Variants in STS observed in about 807,000 individuals in gnomAD.
STS encodes the protein steryl-sulfatase.
In STS, 7 loss-of-function variants were observed where a neutral mutation model predicts 26.8. The observed-to-expected ratio is 0.26, with a 90% CI of 0.15 to 0.49. STS has a LOEUF of 0.49. Among genes scored for constraint, STS ranks in the 20% least tolerant of loss-of-function variants. The pLI is 0.98. For synonymous variants in STS, 199 were observed against 189.4 expected (o/e 1.05, Z -0.42); for missense variants, 434 against 465.6 (o/e 0.93, Z 0.63).
chrX:7,170,762 C>T (rs541011259), intron 1 of STS, among the ~76,000 whole-genome samples: 1 of 110,772 alleles, frequency 9.0e-6, no homozygotes. Flanking sequence ...TGGGATTATA[C>T]GTGTGAGCCA....
intron 2 of STS, among the ~76,000 whole-genome samples, chrX:7,212,971 C>T (rs1419467859): frequency 9.0e-6 from 1 of 111,501 alleles, no homozygotes; most frequent in Non-Finnish European, 1.9e-5. Context: ...TTGAGACACT[C>T]TCCTGAAAAT....
At chrX:7,215,042 C>T (rs200120828) in intron 2 of STS, among the ~76,000 whole-genome samples, 28,755 of 80,209 alleles carry the variant, frequency 0.36, 4,452 homozygotes, top group Non-Finnish European at 0.4. Flanking sequence ...TATATATATA[C>T]ATATATATAC....
At chrX:7,181,492 A>T (rs1290840454) in intron 1 of STS, among the ~76,000 whole-genome samples, 1 of 112,023 alleles carries the variant, frequency 8.9e-6, no homozygotes, top group Non-Finnish European at 1.9e-5. Context: ...AGGTGTCAGG[A>T]GAAACACCCT....
At chrX:7,257,668 G>A (rs1923491493) in intron 5 of STS, 80 bp downstream of exon 5, 2 of 1,133,668 alleles carry the variant, frequency 1.8e-6, no homozygotes, top group Middle Eastern at 4.8e-4. Flanking sequence ...GCAAAAGAGT[G>A]GGAGAGGACA....
chrX:7,169,514 A>C (rs1933420516), intron 1 of STS, among the ~76,000 whole-genome samples: 1 of 112,222 alleles, frequency 8.9e-6, no homozygotes, highest in South Asian at 3.7e-4. Flanking sequence ...CAAATACCTG[A>C]GTTCCTATTT....
In STS at chrX:7,190,375, G is replaced by C. The variant is rs769815657; in HGVS notation, c.-133-505G>C. Among the ~76,000 whole-genome samples the C allele has an allele frequency of 2.7e-5, 3 of 111,522 alleles. No homozygotes were observed. In the East Asian group the frequency reaches 8.5e-4, roughly 32 times the overall value. On this transcript the variant is annotated intron_variant, in intron 1 of 10. Coordinates refer to ENST00000674429, the MANE Select transcript of STS (RefSeq NM_001320752.2). ...AGGTGGCGCTCAGGCAGTAATGTGA[G>C]TGATGGAGAATGGCTGTAAATACAG...
At chrX:7,152,959 G>A (rs1933049960) in intron 1 of STS, among the ~76,000 whole-genome samples, 1 of 112,065 alleles carries the variant, frequency 8.9e-6, no homozygotes, top group Non-Finnish European at 1.9e-5. Flanking sequence ...TAATGTTAGT[G>A]CCTAAGTAGA....
chrX:7,177,948 T>A (rs1933605766), intron 1 of STS, among the ~76,000 whole-genome samples: 1 of 111,408 alleles, frequency 9.0e-6, no homozygotes, highest in East Asian at 2.8e-4. Flanking sequence ...CATAGGCACA[T>A]GCCGCCATTT....
intron 6 of STS, among the ~76,000 whole-genome samples, chrX:7,261,069 T>C (rs1923721876): frequency 9.0e-6 from 1 of 111,369 alleles, no homozygotes; most frequent in South Asian, 3.7e-4. Flanking sequence ...AAGTAGATAT[T>C]ATATAGAGGC....
At chrX:7,347,129 C>G (rs1404633877) in intron 10 of STS, among the ~76,000 whole-genome samples, 1 of 111,584 alleles carries the variant, frequency 9.0e-6, no homozygotes, top group African/African-American at 3.3e-5. Flanking sequence ...CAGGTGCCTT[C>G]TGTTTTATCT....
chrX:7,261,761 C>G (rs1194103374), intron 6 of STS, among the ~76,000 whole-genome samples: 2 of 112,074 alleles, frequency 1.8e-5, no homozygotes, highest in African/African-American at 6.5e-5. Context: ...TTTAGTATAT[C>G]TCTCTGGTAT....
At chrX:7,208,537 T>C (rs1196269976) in intron 2 of STS, among the ~76,000 whole-genome samples, 3 of 112,169 alleles carry the variant, frequency 2.7e-5, no homozygotes, top group African/African-American at 9.7e-5. Context: ...CAAAAACTGC[T>C]GTTTTTCAGC....
chrX:7,205,110 G>C (rs1157772397), intron 2 of STS, among the ~76,000 whole-genome samples: 4 of 111,643 alleles, frequency 3.6e-5, no homozygotes, highest in Non-Finnish European at 7.5e-5. Flanking sequence ...AGAAATATAA[G>C]ATTTGGAGTT....
At chrX:7,333,868 G>C (rs1412489443) in intron 9 of STS, 118 bp from the exon 10 acceptor site, 3 of 1,027,465 alleles carry the variant, frequency 2.9e-6, no homozygotes, top group Non-Finnish European at 4.0e-6. Context: ...ACCCAGGTGG[G>C]GTCAGTCTTC....
At chrX:7,298,466 T>G (rs897954278) in intron 7 of STS, among the ~76,000 whole-genome samples, 1 of 111,592 alleles carries the variant, frequency 9.0e-6, no homozygotes, top group African/African-American at 3.3e-5. Flanking sequence ...AAATGGACAT[T>G]GTATCAAACT....
chrX:7,337,733 T>C (rs745395973), intron 10 of STS, among the ~76,000 whole-genome samples: 1 of 112,384 alleles, frequency 8.9e-6, no homozygotes, highest in South Asian at 3.7e-4. Context: ...GTTGTGGGTG[T>C]TTACACCACG....
intron 1 of STS, among the ~76,000 whole-genome samples, chrX:7,164,194 A>T (rs1183440811): frequency 9.0e-6 from 1 of 111,718 alleles, no homozygotes; most frequent in African/African-American, 3.3e-5. Context: ...ATTATATATG[A>T]CATGAGATAT....
chrX:7,341,302 C>G (rs1391248352), intron 10 of STS, among the ~76,000 whole-genome samples: 1 of 111,373 alleles, frequency 9.0e-6, no homozygotes, highest in Non-Finnish European at 1.9e-5. Context: ...TCTCTGTGCC[C>G]CCATGCACTG....
intron 10 of STS, among the ~76,000 whole-genome samples, chrX:7,335,716 T>A (rs1927986349): frequency 8.9e-6 from 1 of 112,115 alleles, no homozygotes; most frequent in Non-Finnish European, 1.9e-5. Context: ...TGCCTAGGTT[T>A]TCTTCTAGGG....
Sources: gnomAD v4.1 joint callset for allele counts (sites outside exome capture counted in the v4.1 genomes callset) on GRCh38, gnomAD v4.1.1 for gene constraint, MANE v1.5 for transcripts, NCBI Gene and HGNC (gene_info 2026-07-23, HGNC 2026-07-21) for gene names.